Variants in GRID2 observed in about 807,000 individuals in gnomAD.
The protein encoded by GRID2 is glutamate ionotropic receptor delta type subunit 2.
GRID2 carries 33 observed loss-of-function variants against 114.8 expected under a neutral mutation model. That is an observed-to-expected ratio of 0.29 (90% CI 0.22 to 0.38). The LOEUF (loss-of-function observed/expected upper bound fraction) is 0.38. Ranked by LOEUF, GRID2 falls within the 10% of genes least tolerant of loss-of-function variation. The pLI is 1.00. For synonymous variants in GRID2, 505 were observed against 449.9 expected, an observed-to-expected ratio of 1.12 and a Z score of -1.55; for missense variants, 1,184 against 1,257.7, an observed-to-expected ratio of 0.94 and a Z score of 0.89.
chr4:93,317,986 A>T (rs1362031490), intron 8 of GRID2, among the ~76,000 whole-genome samples: 2 of 100,916 alleles, frequency 2.0e-5, no homozygotes, highest in Non-Finnish European at 4.2e-5. Flanking sequence ...TTAAAAGTGA[A>T]ATATATATAT....
chr4:92,728,077 C>A (rs921398257), intron 2 of GRID2, among the ~76,000 whole-genome samples: 14 of 151,898 alleles, frequency 9.2e-5, no homozygotes, highest in Non-Finnish European at 1.5e-5. Context: ...ACCAGGAAGA[C>A]AAGTTGGAAC....
chr4:92,312,784 A>G (rs890106898), intron 1 of GRID2, among the ~76,000 whole-genome samples: 8 of 152,080 alleles, frequency 5.3e-5, no homozygotes, highest in Admixed American at 2.0e-4. Flanking sequence ...GAATCAAAAA[A>G]CAGTAGATGT....
intron 1 of GRID2, among the ~76,000 whole-genome samples, chr4:93,795,194 C>T (rs1300230296): frequency 2.6e-5 from 4 of 151,772 alleles, no homozygotes; most frequent in African/African-American, 7.3e-5. Context: ...TTTCATAATA[C>T]ATTATTACTA....
chr4:93,367,203 A>C (rs375704276), intron 8 of GRID2, among the ~76,000 whole-genome samples: 1 of 117,050 alleles, frequency 8.5e-6, no homozygotes, highest in Non-Finnish European at 1.9e-5. Context: ...TTTTTTTTTA[A>C]GTTTTTTTTT....
intron 1 of GRID2, among the ~76,000 whole-genome samples, chr4:92,501,117 G>A (rs1723662004): frequency 6.6e-6 from 1 of 152,088 alleles, no homozygotes; most frequent in Non-Finnish European, 1.5e-5. Context: ...AATTTGATTA[G>A]GAGGGAAGGA....
chr4:92,858,740 G>A (rs1744335236), intron 2 of GRID2, among the ~76,000 whole-genome samples: 1 of 152,032 alleles, frequency 6.6e-6, no homozygotes, highest in Non-Finnish European at 1.5e-5. Flanking sequence ...TGTATTTTTA[G>A]TAGAGACGGG....
chr4:93,803,461 C>T (rs1734973072), intron 1 of GRID2, among the ~76,000 whole-genome samples: 3 of 152,186 alleles, frequency 2.0e-5, no homozygotes, highest in Admixed American at 1.3e-4. Context: ...CGGTGGCTCG[C>T]ACCTGTAATC....
intron 2 of GRID2, among the ~76,000 whole-genome samples, chr4:92,663,795 ATCC>A (rs1050678416): frequency 2.7e-5 from 4 of 150,932 alleles, no homozygotes; most frequent in Non-Finnish European, 4.5e-5. Flanking sequence ...CTAAATCTCT[ATCC>A]TCCTGTCCCT....
At chr4:93,127,676 T>C (rs974069919) in intron 4 of GRID2, among the ~76,000 whole-genome samples, 2 of 152,028 alleles carry the variant, frequency 1.3e-5, no homozygotes, top group African/African-American at 4.8e-5. Context: ...CAGTGAGTAA[T>C]AGCAAAACCA....
chr4:92,662,750 T>C lies in GRID2; in HGVS notation c.244+72464T>C, dbSNP rs145947454. 3.2e-3 allele frequency among the ~76,000 whole-genome samples: 487 copies of C among 151,330 alleles called. 3 individuals are homozygous for C. Among genetic ancestry groups the C allele is most frequent in the African/African-American group, 9.7e-3 (402 of 41,478 alleles). On this transcript the variant is annotated intron_variant, in intron 2 of 15. Transcript: ENST00000282020. ...AACATATATTCCAAATCAATTGTTT[T>C]CTAAGTTATTTCCTGACATGGTTTT...
intron 8 of GRID2, among the ~76,000 whole-genome samples, chr4:93,367,095 G>T (rs1762412430): frequency 1.3e-5 from 2 of 151,698 alleles, no homozygotes; most frequent in Admixed American, 6.6e-5. Flanking sequence ...GTATGCTTTT[G>T]AATCTATCCC....
intron 1 of GRID2, among the ~76,000 whole-genome samples, chr4:92,442,722 T>C (rs1426146236): frequency 3.9e-5 from 6 of 152,302 alleles, no homozygotes; most frequent in African/African-American, 9.6e-5. Context: ...GGCTGTAAAG[T>C]GTCTCGGTTG....
chr4:93,441,644 A>AT (rs1168724979), intron 10 of GRID2, among the ~76,000 whole-genome samples: 1 of 151,676 alleles, frequency 6.6e-6, no homozygotes, highest in Admixed American at 6.6e-5. Flanking sequence ...CATTTAAAGG[A>AT]TTTTTTTTAA....
intron 13 of GRID2, among the ~76,000 whole-genome samples, chr4:93,536,571 T>A (rs1435481354): frequency 6.6e-6 from 1 of 151,336 alleles, no homozygotes; most frequent in African/African-American, 2.4e-5. Flanking sequence ...TGTGAAACTC[T>A]AAACCTCCTG....
intron 10 of GRID2, among the ~76,000 whole-genome samples, chr4:93,449,330 G>C (rs1580118200): frequency 2.0e-5 from 3 of 152,064 alleles, no homozygotes; most frequent in East Asian, 3.9e-4. Context: ...TTCCTGAAGT[G>C]ATACGTGAAT....
intron 8 of GRID2, among the ~76,000 whole-genome samples, chr4:93,248,935 T>C (rs1372666385): frequency 6.6e-6 from 1 of 152,220 alleles, no homozygotes; most frequent in Non-Finnish European, 1.5e-5. Context: ...TAGTCCTAAT[T>C]AAGCTATTCT....
rs115172578 is a variant in GRID2 at position 93,342,102 on chromosome 4, C to A, written c.1246-53505C>A. On this transcript the variant is annotated intron_variant, in intron 8 of 15. Coordinates refer to ENST00000282020, the MANE Select transcript of GRID2 (RefSeq NM_001510.4). Reference sequence around the variant, plus strand: ...CACTGTGAGATAGCATCTTATACTGCAAATCAAATGATATCACTCTACTAC... The same window carrying A: ...CACTGTGAGATAGCATCTTATACTGAAAATCAAATGATATCACTCTACTAC... Among the ~76,000 whole-genome samples the A allele has an allele frequency of 5.8e-3, 883 of 152,220 alleles. 6 individuals are homozygous for A. The highest frequency in any genetic ancestry group is 0.021 in the African/African-American group (854 of 41,530).
chr4:93,150,551 A>T (rs1736642357), intron 4 of GRID2, among the ~76,000 whole-genome samples: 1 of 152,060 alleles, frequency 6.6e-6, no homozygotes, highest in Admixed American at 6.6e-5. Context: ...TAGGGGCATG[A>T]GTTTACTCAC....
chr4:92,623,298 A>G (rs969954270), intron 2 of GRID2, among the ~76,000 whole-genome samples: 2 of 151,470 alleles, frequency 1.3e-5, no homozygotes, highest in African/African-American at 4.8e-5. Context: ...AAATAAATAA[A>G]TCTTAGGATA....
Sources: gnomAD v4.1 joint callset for allele counts (sites outside exome capture counted in the v4.1 genomes callset) on GRCh38, gnomAD v4.1.1 for gene constraint, MANE v1.5 for transcripts, NCBI Gene and HGNC (gene_info 2026-07-23, HGNC 2026-07-21) for gene names.